The following HELB variants were observed in gnomAD, a reference collection of about 807,000 sequenced individuals.
HELB encodes DNA helicase B, also known as DNA 5'-3' helicase B.
HELB carries 96 observed loss-of-function variants against 101.7 expected under a neutral mutation model. The observed-to-expected ratio is 0.94, with a 90% confidence interval of 0.80 to 1.12. The LOEUF is 1.12. Ranked by LOEUF, HELB falls within the 50% of genes most tolerant of loss-of-function variation. The pLI is 0.00. For synonymous variants in HELB, 437 were observed against 459.7 expected (o/e 0.95, Z 0.63); for missense variants, 1,210 against 1,291.9 (o/e 0.94, Z 0.97).
At chr12:66,317,870 A>T (rs576315909) in intron 6 of HELB, among the ~76,000 whole-genome samples, 2 of 152,200 alleles carry the variant, frequency 1.3e-5, no homozygotes, top group Non-Finnish European at 2.9e-5. Flanking sequence ...GTTTGGGAAA[A>T]GGTGAAGAAG....
At chr12:66,309,263 A>C (rs570915248) in intron 3 of HELB, among the ~76,000 whole-genome samples, 117 of 152,326 alleles carry the variant, frequency 7.7e-4, no homozygotes, top group African/African-American at 2.5e-3. Context: ...TATAAAATAG[A>C]GTGACCTTCC....
intron 5 of HELB, 105 bp from the exon 6 acceptor site, chr12:66,315,137 G>GT: frequency 5.4e-6 from 4 of 734,522 alleles, no homozygotes; most frequent in Non-Finnish European, 6.0e-6. Flanking sequence ...TTTAAATGTT[G>GT]TTTTTTGTAA....
At chr12:66,334,576 A>G (rs1436852668) in intron 12 of HELB, among the ~76,000 whole-genome samples, 1 of 151,970 alleles carries the variant, frequency 6.6e-6, no homozygotes, top group African/African-American at 2.4e-5. Flanking sequence ...GAAGTTCAAG[A>G]CCAGCCTGAG....
intron 7 of HELB, 108 bp from the exon 8 acceptor site, chr12:66,321,838 TGA>T: frequency 1.7e-6 from 1 of 588,384 alleles, no homozygotes; most frequent in Non-Finnish European, 3.1e-6. Flanking sequence ...TTCCATTTGG[TGA>T]GATATTTTCC....
chr12:66,331,192 G>A lies in HELB; in HGVS notation c.2709G>A (p.Lys903=). 6.2e-7 allele frequency: 1 copy of A among 1,612,002 alleles called. No individual in the cohort carries two copies. Among genetic ancestry groups the A allele is most frequent in the South Asian group, 1.1e-5 (1 of 91,014 alleles). Residue 903 remains lysine, a synonymous_variant, in exon 12 of 13, where the codon AAG becomes AAA. Coordinates refer to ENST00000247815, the MANE Select transcript of HELB (RefSeq NM_001370285.1). The part of the protein sequence containing the change: ...EEQTVVYVVG[K]AGRQHWQHVY... The stretch of plus-strand genomic sequence containing the variant: ...AAACAGTTGTCTATGTGGTGGGGAA[G>A]GCGGGCCGCCAGCACTGGCAGCATG...
intron 2 of HELB, 103 bp from the exon 3 acceptor site, chr12:66,306,242 C>T: frequency 1.2e-6 from 1 of 821,496 alleles, no homozygotes. Context: ...CTGTTTTTGA[C>T]TTGGGTTTCT....
rs747910110 is a variant in HELB, at chr12:66,304,723, T to G, written c.188-8T>G. On this transcript the variant is annotated splice_polypyrimidine_tract_variant and splice_region_variant and intron_variant, in intron 1 of 12. Coordinates refer to ENST00000247815, the MANE Select transcript of HELB (RefSeq NM_001370285.1). ...AACTTTTGTGGGTTTTTGTTTGTTT[T>G]TTTTTAGTTTCTATTTGTGATGAAA... is the stretch of plus-strand genomic sequence containing the variant. 2 of 1,570,382 alleles carry G rather than the reference T, an allele frequency of 1.3e-6. No homozygotes were observed. Among genetic ancestry groups the G allele is most frequent in the African/African-American group, 1.4e-5 (1 of 72,338 alleles).
rs538046163 is a variant in HELB at position 66,304,268 on chromosome 12, G to A, written c.188-463G>A. ...GTGCTTTGAGAGGTTTTATACATGA[G>A]ATTCAGGGAAGACTTTTCTAAGTAA... On this transcript the variant is annotated intron_variant, in intron 1 of 12. Coordinates refer to ENST00000247815, the MANE Select transcript of HELB (RefSeq NM_001370285.1). Among the ~76,000 whole-genome samples, 32 of 149,654 alleles carry A rather than the reference G, an allele frequency of 2.1e-4. 1 individual carries two copies. In the South Asian group the frequency reaches 6.2e-3, roughly 29 times the overall value.
At chr12:66,329,350 T>A (rs893330380) in intron 11 of HELB, among the ~76,000 whole-genome samples, 1 of 152,148 alleles carries the variant, frequency 6.6e-6, no homozygotes, top group South Asian at 2.1e-4. Flanking sequence ...AAGCTCTGCC[T>A]TCATGGAGCT....
At chr12:66,340,487 T>TG (rs1219243101), downstream of HELB, 1 of 152,222 alleles carries the variant, frequency 6.6e-6, no homozygotes, top group Non-Finnish European at 1.5e-5. Context: ...CACTGAAATC[T>TG]GTATTAGTGA....
intron 12 of HELB, among the ~76,000 whole-genome samples, chr12:66,335,878 T>C (rs1427297555): frequency 1.3e-5 from 2 of 152,194 alleles, no homozygotes; most frequent in Non-Finnish European, 2.9e-5. Flanking sequence ...CTCTCTCTCT[T>C]CTTATTATAA....
In HELB at chr12:66,331,450, C is replaced by T; in HGVS notation, c.2967C>T (p.Val989=). The T allele has an allele frequency of 6.2e-7, 1 of 1,614,218 alleles. No homozygotes were observed. The highest frequency in any genetic ancestry group is 1.1e-5 in the South Asian group (1 of 91,088). The change falls in exon 12 of 13, where the codon GTC becomes GTT. Residue 989 remains valine, a synonymous_variant. Coordinates refer to ENST00000247815, the MANE Select transcript of HELB (RefSeq NM_001370285.1). ...CGTCAGCATCTCCACTCCCTGTAGT[C>T]ACAGACCACGCCATGACAAATGATG... ...STPSASPLPV[V]TDHAMTNDVT...
chr12:66,321,053 TAATCTTCCCTTCATCTGAAA>T (rs964976892), intron 7 of HELB, among the ~76,000 whole-genome samples: 6 of 152,174 alleles, frequency 3.9e-5, no homozygotes. Flanking sequence ...TTTCTAGCGG[TAATCTTCCCTTCATCTGAAA>T]AATGAAGGGC....
chr12:66,306,620 A>G, intron 3 of HELB, 106 bp downstream of exon 3: 1 of 612,782 alleles, frequency 1.6e-6, no homozygotes, highest in Non-Finnish European at 2.6e-6. Context: ...TGTGGACCCC[A>G]GTATTGATTT....
downstream of HELB, chr12:66,341,257 A>G (rs2053916191): frequency 6.6e-6 from 1 of 152,310 alleles, no homozygotes. Flanking sequence ...GAGGAAGTCA[A>G]GCATTCTGCA....
At position 66,310,255 on chromosome 12, in the gene HELB, GT is replaced by G; in HGVS notation, c.1329del (p.Gln444SerfsTer21). The G allele has an allele frequency of 6.2e-7, 1 of 1,614,114 alleles. No individual in the cohort carries two copies. Among genetic ancestry groups the G allele is most frequent in the Non-Finnish European group, 8.5e-7 (1 of 1,180,032 alleles). Reference sequence around the variant, plus strand: ...TGAAATTAATGCAGAAATAAGTGAAGTTCAGCTGGATCAGGATCAGGTTGAA... The same window carrying G: ...TGAAATTAATGCAGAAATAAGTGAAGTCAGCTGGATCAGGATCAGGTTGAA... ...ENEINAEISE[V>X]QLDQDQVEVP... On this transcript the variant is annotated frameshift_variant, in exon 4 of 13. Transcript: ENST00000247815. LOFTEE classifies it high-confidence loss of function.
chr12:66,338,410 G>A (rs1179889), downstream of HELB: 99,334 of 212,970 alleles, frequency 0.47, 23,783 homozygotes, highest in East Asian at 0.58. Flanking sequence ...GGGAGGCTGA[G>A]GCAGGTGGAT....
intron 11 of HELB, 111 bp from the exon 12 acceptor site, chr12:66,331,043 C>A: frequency 8.3e-7 from 1 of 1,202,316 alleles, no homozygotes; most frequent in Non-Finnish European, 1.2e-6. Context: ...AATAGTCTGG[C>A]CAGGTAGAAG....
chr12:66,306,347 C>T lies in HELB; in HGVS notation c.610C>T (p.Pro204Ser). 1 of 1,578,700 alleles carries T rather than the reference C, an allele frequency of 6.3e-7. No individual in the cohort carries two copies. Residue 204 changes from proline (P) to serine (S), a missense_variant and splice_region_variant, in exon 3 of 13, where the codon CCA becomes TCA. Around this residue, in one of 2 missense-constraint regions of HELB, gnomAD observed 470 missense variants for 563.1 expected, o/e 0.83. Transcript: ENST00000247815. ...EMSLPLENTI[P>S]FRNVMTALQF... ...TGTTCCTTTCTGATATCTTGTAGTT[C>T]CATTTAGAAATGTAATGACAGCTTT...
Sources: allele counts gnomAD v4.1 joint callset (sites outside exome capture counted in the v4.1 genomes callset), GRCh38; gene constraint gnomAD v4.1.1; regional missense constraint gnomAD v4.1.1; transcripts MANE v1.5; gene names NCBI Gene and HGNC (gene_info 2026-07-23, HGNC 2026-07-21).